The following FRMPD1 variants were observed in gnomAD, a reference collection of about 807,000 sequenced individuals.
FRMPD1 encodes the protein FERM and PDZ domain containing 1.
In FRMPD1, 76 loss-of-function variants were observed where a neutral mutation model predicts 117.8. The observed-to-expected ratio is 0.65, with a 90% CI of 0.54 to 0.78. FRMPD1 has a LOEUF of 0.78. Ranked by LOEUF, FRMPD1 falls within the 30% of genes least tolerant of loss-of-function variation. The pLI is 0.00. For synonymous variants in FRMPD1, 783 were observed against 770.4 expected (o/e 1.02, Z -0.27); for missense variants, 1,786 against 1,964.5 (o/e 0.91, Z 1.72).
In FRMPD1 at chr9:37,709,554, CAAA is replaced by C. The variant is rs921868148; in HGVS notation, c.362+1058_362+1060del. Reference sequence around the variant, plus strand: ...TGGGTGACAGAACAAGACTCCATCTCAAAAAAAGAGAGAAAGAAAAAGAAAAGA... The same window carrying C: ...TGGGTGACAGAACAAGACTCCATCTCAAAAGAGAGAAAGAAAAAGAAAAGA... On this transcript the variant is annotated intron_variant, in intron 4 of 15. Coordinates refer to ENST00000377765, the MANE Select transcript of FRMPD1 (RefSeq NM_014907.3). Among the ~76,000 whole-genome samples, 6 of 150,048 alleles carry C rather than the reference CAAA, an allele frequency of 4.0e-5. No individual in the cohort carries two copies. The East Asian group carries it at 1.2e-3, about 29-fold the overall frequency.
At chr9:37,623,768 T>C in the FRMPD1 span, among the ~76,000 whole-genome samples, 150,951 of 152,278 alleles carry the variant, frequency 0.99, 74,836 homozygotes, top group East Asian at 1. Flanking sequence ...GCTTTAGAGA[T>C]GGGAGTCTAC....
intron 10 of FRMPD1, among the ~76,000 whole-genome samples, chr9:37,732,697 A>T (rs1464678622): frequency 2.0e-5 from 3 of 152,196 alleles, no homozygotes; most frequent in Non-Finnish European, 4.4e-5. Flanking sequence ...TCCTGGGAAG[A>T]TGTCTTGGGA....
chr9:37,683,896 G>C (rs1308785875), intron 1 of FRMPD1, among the ~76,000 whole-genome samples: 1 of 148,756 alleles, frequency 6.7e-6, no homozygotes, highest in Non-Finnish European at 1.5e-5. Context: ...GGCTTTGGGG[G>C]GAACAACAGG....
the FRMPD1 span, among the ~76,000 whole-genome samples, chr9:37,608,797 C>T: frequency 1.2e-4 from 19 of 152,220 alleles, no homozygotes; most frequent in African/African-American, 4.3e-4. Context: ...GTATTGGGGG[C>T]GTATTGTGTG....
intron 9 of FRMPD1, 93 bp downstream of exon 9, chr9:37,731,196 A>G: frequency 9.1e-7 from 1 of 1,093,762 alleles, no homozygotes; most frequent in East Asian, 2.4e-5. Flanking sequence ...CCATTAAACA[A>G]CTCCCTGGTA....
chr9:37,720,028 G>A (rs1489248204), intron 6 of FRMPD1, among the ~76,000 whole-genome samples: 2 of 152,112 alleles, frequency 1.3e-5, no homozygotes, highest in Non-Finnish European at 2.9e-5. Context: ...ACCAGCAAAG[G>A]CCGGGGGAGT....
chr9:37,611,182 A>G, the FRMPD1 span, among the ~76,000 whole-genome samples: 1 of 152,162 alleles, frequency 6.6e-6, no homozygotes, highest in African/African-American at 2.4e-5. Flanking sequence ...TGTAATTTTG[A>G]TAGATATTGC....
intron 3 of FRMPD1, 77 bp from the exon 4 acceptor site, chr9:37,708,322 T>G: frequency 2.3e-6 from 2 of 860,066 alleles, no homozygotes; most frequent in Non-Finnish European, 3.9e-6. Flanking sequence ...CAGGGTGCCA[T>G]TTAACTGTGC....
At chr9:37,659,250 A>G (rs1187649851) in intron 1 of FRMPD1, among the ~76,000 whole-genome samples, 1 of 152,050 alleles carries the variant, frequency 6.6e-6, no homozygotes, top group Non-Finnish European at 1.5e-5. Flanking sequence ...TTTTGTTTCT[A>G]TTGTATTTGA....
At position 37,651,472 on chromosome 9, in the gene FRMPD1, A is replaced by C. The variant is rs1479496789; in HGVS notation, c.-5+378A>C. 2.6e-5 allele frequency among the ~76,000 whole-genome samples: 4 copies of C among 152,318 alleles called. No homozygotes were observed. The East Asian group carries it at 5.8e-4, about 22-fold the overall frequency. On this transcript the variant is annotated intron_variant, in intron 1 of 15. Coordinates refer to ENST00000377765, the MANE Select transcript of FRMPD1 (RefSeq NM_014907.3). ...TGTCCGTCCTCGATGGCCACACCTG[A>C]ACCAGAAGGGGTTCGCCAGGGACGA...
the FRMPD1 span, among the ~76,000 whole-genome samples, chr9:37,640,164 G>C: frequency 6.6e-6 from 1 of 152,184 alleles, no homozygotes; most frequent in Non-Finnish European, 1.5e-5. Flanking sequence ...GTATTATGAA[G>C]GTCAAATGAG....
At position 37,740,607 on chromosome 9, in the gene FRMPD1, G is replaced by T. The variant is rs938499087; in HGVS notation, c.2079G>T (p.Arg693Ser). 1.2e-6 allele frequency: 2 copies of T among 1,614,194 alleles called. No individual in the cohort carries two copies. The highest frequency in any genetic ancestry group is 1.7e-6 in the Non-Finnish European group (2 of 1,180,004). ...FGWAPELSTV[R>S]LDPRLYEGSH... is the part of the protein sequence containing the mutation. ...GGGCACCAGAACTGAGCACAGTCAG[G>T]CTGGACCCCAGGCTGTATGAAGGCA... The change falls in exon 15 of 16, where the codon AGG becomes AGT. Residue 693 changes from arginine to serine, a missense_variant. Transcript: ENST00000377765. This position sits in a 1 kb window ranked among gnomAD's most constrained non-coding sequence, Gnocchi z 4.2.
intron 7 of FRMPD1, among the ~76,000 whole-genome samples, chr9:37,726,357 C>T (rs1363312551): frequency 6.6e-6 from 1 of 152,158 alleles, no homozygotes; most frequent in African/African-American, 2.4e-5. Flanking sequence ...CATTTATTGA[C>T]ACTTTTTGTG....
At chr9:37,739,135 G>A (rs567369956) in intron 14 of FRMPD1, among the ~76,000 whole-genome samples, 2 of 152,172 alleles carry the variant, frequency 1.3e-5, no homozygotes, top group Non-Finnish European at 2.9e-5. Context: ...CCATCCTGTC[G>A]TGGGTACTAG....
Position 37,745,221 on chromosome 9 carries a change from T to G in FRMPD1, c.3189T>G (p.His1063Gln). The G allele has an allele frequency of 6.2e-7, 1 of 1,613,408 alleles. No homozygotes were observed. Among genetic ancestry groups the G allele is most frequent in the Non-Finnish European group, 8.5e-7 (1 of 1,179,388 alleles). ...EMGLESFCTN[H>Q]IQETAPKYTE... ...GATTGGAATCTTTTTGTACAAATCATATACAAGAAACTGCCCCCAAATACA... is the reference window on the plus strand; with the variant it reads ...GATTGGAATCTTTTTGTACAAATCAGATACAAGAAACTGCCCCCAAATACA... The change falls in exon 16 of 16, where the codon CAT becomes CAG. Residue 1063 changes from histidine to glutamine, a missense_variant. Coordinates refer to ENST00000377765, the MANE Select transcript of FRMPD1 (RefSeq NM_014907.3).
At chr9:37,744,349 T>C (rs1317156420) in intron 15 of FRMPD1, 40 bp from the exon 16 acceptor site, 1 of 1,456,944 alleles carries the variant, frequency 6.9e-7, no homozygotes, top group South Asian at 1.3e-5. Context: ...ACCTCTTTTT[T>C]TTGTGCTTTT....
the FRMPD1 span, among the ~76,000 whole-genome samples, chr9:37,626,163 C>G: frequency 6.6e-6 from 1 of 152,036 alleles, no homozygotes; most frequent in African/African-American, 2.4e-5. Context: ...CCCGTCTCTA[C>G]TAAAAAATAC....
the FRMPD1 span, among the ~76,000 whole-genome samples, chr9:37,636,422 G>A: frequency 6.6e-6 from 1 of 152,128 alleles, no homozygotes; most frequent in South Asian, 2.1e-4. Flanking sequence ...GTGTAGGGGG[G>A]GCATCTTGGA....
At chr9:37,616,245 G>A in the FRMPD1 span, among the ~76,000 whole-genome samples, 5 of 149,008 alleles carry the variant, frequency 3.4e-5, no homozygotes, top group South Asian at 2.1e-4. Context: ...ACCCTCTCAC[G>A]TAGCTGGGAT....
Sources: gnomAD v4.1 joint callset for allele counts (sites outside exome capture counted in the v4.1 genomes callset) on GRCh38, gnomAD v4.1.1 for gene constraint, Gnocchi (gnomAD v3.1) non-coding constraint, MANE v1.5 for transcripts, NCBI Gene and HGNC (gene_info 2026-07-23, HGNC 2026-07-21) for gene names.